The following LRPPRC variants were observed in gnomAD, a reference collection of about 807,000 sequenced individuals.
The protein encoded by LRPPRC is leucine-rich PPR motif-containing protein, mitochondrial.
In LRPPRC, 120 loss-of-function variants were observed where a neutral mutation model predicts 180.3. That is an observed-to-expected ratio of 0.67 (90% CI 0.57 to 0.77). The LOEUF is 0.77. Among genes scored for constraint, LRPPRC ranks in the 30% least tolerant of loss-of-function variants. The pLI, the probability that LRPPRC is intolerant of heterozygous loss-of-function variation, is 0.00. For missense variants in LRPPRC, 2,012 were observed against 1,657.2 expected (o/e 1.21, Z -3.72); for synonymous variants, 723 against 600.0 (o/e 1.21, Z -3.00).
rs375831894 is a variant in LRPPRC, at chr2:43,976,244, C to T, written c.651-15G>A. The T allele has an allele frequency of 1.9e-4, 271 of 1,391,050 alleles. 3 individuals are homozygous for T. Among genetic ancestry groups the T allele is most frequent in the South Asian group, 1.5e-3 (129 of 86,590 alleles). The allele number at this position is 1,391,050 out of a possible 1,614,324, so 86.2% of individuals were successfully genotyped here. A position where few individuals can be genotyped will look rare whatever the true frequency, so the allele number is the denominator to read the frequency against. ...CAAGAATCTTGCTGCAAAGGAAAAACGAAGATACTCATTGAAAGTATTTAT... is the reference window on the plus strand; with the variant it reads ...CAAGAATCTTGCTGCAAAGGAAAAATGAAGATACTCATTGAAAGTATTTAT... On this transcript the variant is annotated splice_polypyrimidine_tract_variant and intron_variant, in intron 5 of 37. Coordinates refer to ENST00000260665, the MANE Select transcript of LRPPRC (RefSeq NM_133259.4).
At position 43,995,822 on chromosome 2, in the gene LRPPRC, G is replaced by C; in HGVS notation, c.126C>G (p.Ala42=). The C allele has an allele frequency of 7.1e-7, 1 of 1,413,398 alleles. No homozygotes were observed. Among genetic ancestry groups the C allele is most frequent in the Admixed American group, 3.3e-5 (1 of 30,050 alleles). The allele number at this position is 1,413,398 out of a possible 1,614,324, so 87.6% of individuals were successfully genotyped here. The part of the protein sequence containing the change: ...GRLHAASYLP[A]ARAGPVAGGL... ...ACCCGGCCACGGGCCCGGCGCGAGC[G>C]GCGGGCAGATAGGAGGCGGCATGCA... The change falls in exon 1 of 38, where the codon GCC becomes GCG. Residue 42 remains alanine, a synonymous_variant. Coordinates refer to ENST00000260665, the MANE Select transcript of LRPPRC (RefSeq NM_133259.4).
At position 43,886,594 on chromosome 2, in the gene LRPPRC, C is replaced by A. The variant is rs1282109699; in HGVS notation, c.*2006G>T. The A allele has an allele frequency of 6.6e-6, 1 of 152,192 alleles. No homozygotes were observed. The highest frequency in any genetic ancestry group is 1.5e-5 in the Non-Finnish European group (1 of 68,044). The allele number at this position is 152,192 out of a possible 1,614,324, so 9.4% of individuals were successfully genotyped here. ...AGAGGGCTAGATAAGGGGGTCTTAC[C>A]TATTTCCTCTGTACCACACTCACAT... On this transcript the variant is annotated 3_prime_UTR_variant, in exon 38 of 38. Coordinates refer to ENST00000260665, the MANE Select transcript of LRPPRC (RefSeq NM_133259.4).
intron 12 of LRPPRC, 35 bp from the exon 13 acceptor site, chr2:43,960,669 T>A (rs773904577): frequency 3.1e-6 from 3 of 959,458 alleles, no homozygotes; most frequent in Admixed American, 3.4e-5. Context: ...AGAATACATC[T>A]CAGCTAACAA....
At chr2:43,918,465 G>C (rs1671559734) in intron 27 of LRPPRC, 67 bp from the exon 28 acceptor site, 2 of 1,179,778 alleles carry the variant, frequency 1.7e-6, no homozygotes, top group Middle Eastern at 1.9e-4. Flanking sequence ...AAAATATTTA[G>C]AACTTTTTCT....
At chr2:43,889,213 G>A (rs1459405906) in intron 37 of LRPPRC, among the ~76,000 whole-genome samples, 1 of 149,310 alleles carries the variant, frequency 6.7e-6, no homozygotes, top group Non-Finnish European at 1.5e-5. Context: ...TACTTGGGAG[G>A]CTGAGGCAGG....
intron 14 of LRPPRC, among the ~76,000 whole-genome samples, chr2:43,955,729 C>T (rs1346584873): frequency 6.6e-6 from 1 of 151,854 alleles, no homozygotes; most frequent in Non-Finnish European, 1.5e-5. Context: ...CAGAGCGAGA[C>T]CCTATCTCAA....
intron 36 of LRPPRC, chr2:43,890,407 G>GATAC (rs746119663): frequency 4.3e-6 from 2 of 464,100 alleles, no homozygotes; most frequent in Middle Eastern, 9.3e-4. Flanking sequence ...TAGCTACAAT[G>GATAC]ATACACACAC....
chr2:43,980,835 C>T (rs11124954), intron 2 of LRPPRC, among the ~76,000 whole-genome samples: 22 of 152,080 alleles, frequency 1.4e-4, no homozygotes, highest in Admixed American at 5.9e-4. Context: ...TTGTTGCCTA[C>T]GGCTGGAAGG....
rs1262463391 is a variant in LRPPRC, at chr2:43,963,629, G to A, written c.1447C>T (p.Pro483Ser). Residue 483 changes from proline (P) to serine (S), a missense_variant, in exon 12 of 38, where the codon CCA (proline) becomes TCA (serine). Coordinates refer to ENST00000260665, the MANE Select transcript of LRPPRC (RefSeq NM_133259.4). Reference protein sequence around the residue: ...DQETYTDYVIPCFDSVNSARA... With the variant: ...DQETYTDYVISCFDSVNSARA... The stretch of plus-strand genomic sequence containing the variant: ...GCTGAGTTTACACTATCAAAGCATG[G>A]AATCACATAATCTGTATATGTTTCC... 10 of 1,612,320 alleles carry A rather than the reference G, an allele frequency of 6.2e-6. No homozygotes were observed. Among genetic ancestry groups the A allele is most frequent in the Non-Finnish European group, 8.5e-6 (10 of 1,178,630 alleles).
intron 12 of LRPPRC, among the ~76,000 whole-genome samples, chr2:43,961,742 C>T (rs1185937811): frequency 6.6e-6 from 1 of 152,194 alleles, no homozygotes; most frequent in African/African-American, 2.4e-5. Context: ...AGGCTGATCA[C>T]CTAAGATTAG....
Position 43,925,088 on chromosome 2 carries a change from A to G in LRPPRC, c.2875T>C (p.Tyr959His). Reference sequence around the variant, plus strand: ...TTACTATACAGTTTTAGCAGATTGTAGTACATCTGGTCTCTATCACATTCA... The same window carrying G: ...TTACTATACAGTTTTAGCAGATTGTGGTACATCTGGTCTCTATCACATTCA... The part of the protein sequence containing the change: ...LFECDRDQMY[Y>H]NLLKLYKING... Residue 959 changes from tyrosine to histidine, a missense_variant, in exon 27 of 38, where the codon TAC becomes CAC. By Grantham distance (83) the Tyr-to-His change is moderately conservative. Coordinates refer to ENST00000260665, the MANE Select transcript of LRPPRC (RefSeq NM_133259.4). 2 of 1,576,842 alleles carry G rather than the reference A, an allele frequency of 1.3e-6. No homozygotes were observed. The highest frequency in any genetic ancestry group is 1.7e-6 in the Non-Finnish European group (2 of 1,146,088).
At chr2:43,911,520 C>CTTTTTTTTTTTTTTTTTTTTTTTTT (rs755010502) in intron 30 of LRPPRC, among the ~76,000 whole-genome samples, 3 of 113,486 alleles carry the variant, frequency 2.6e-5, no homozygotes, top group African/African-American at 3.6e-5. Flanking sequence ...TCTTCTTCTT[C>CTTTTTTTTTTTTTTTTTTTTTTTTT]TTCTTTTTTT....
At chr2:43,908,866 C>G (rs1161336838) in intron 30 of LRPPRC, among the ~76,000 whole-genome samples, 1 of 152,114 alleles carries the variant, frequency 6.6e-6, no homozygotes, top group Non-Finnish European at 1.5e-5. Context: ...GACCAAGTGA[C>G]CTTATATAGG....
chr2:43,899,565 G>C lies in LRPPRC; in HGVS notation c.3610C>G (p.Leu1204Val). The change falls in exon 33 of 38, where the codon CTT (leucine) becomes GTT (valine). Residue 1204 changes from leucine (L) to valine (V), a missense_variant. Coordinates refer to ENST00000260665, the MANE Select transcript of LRPPRC (RefSeq NM_133259.4). ...TCAATGACTTTATTCTCTGAAGTAAGCATATTTTCAATGTTTTCTATTGCG... is the reference window on the plus strand; with the variant it reads ...TCAATGACTTTATTCTCTGAAGTAACCATATTTTCAATGTTTTCTATTGCG... ...DAAIENIENM[L>V]TSENKVIEPQ... 3 of 1,609,498 alleles carry C rather than the reference G, an allele frequency of 1.9e-6. No individual in the cohort carries two copies. The highest frequency in any genetic ancestry group is 2.6e-6 in the Non-Finnish European group (3 of 1,175,896).
intron 11 of LRPPRC, 90 bp downstream of exon 11, chr2:43,973,516 AT>A (rs1673909608): frequency 1.2e-6 from 1 of 823,014 alleles, no homozygotes; most frequent in Non-Finnish European, 2.2e-6. Context: ...AGGAATAAGT[AT>A]GCTTTTCCAA....
intron 23 of LRPPRC, among the ~76,000 whole-genome samples, chr2:43,941,528 A>C (rs980085478): frequency 1.3e-4 from 20 of 152,192 alleles, no homozygotes; most frequent in Admixed American, 1.3e-3. Flanking sequence ...CATTTAATCA[A>C]ATCGAATACA....
At position 43,888,608 on chromosome 2, in the gene LRPPRC, A is replaced by C. The variant is rs139493671; in HGVS notation, c.4177T>G (p.Ser1393Ala). The C allele has an allele frequency of 6.0e-5, 95 of 1,589,314 alleles. No individual in the cohort carries two copies. Among genetic ancestry groups the C allele is most frequent in the Non-Finnish European group, 4.8e-5 (56 of 1,157,748 alleles). ...AQQLRKLREN[S>A]S is the part of the protein sequence containing the mutation. Reference sequence around the variant, plus strand: ...AGTATCGCCTGGTTATTTCAAGAAGAGTTTTCCCTCAATTTTCTTAGCTGC... The same window carrying C: ...AGTATCGCCTGGTTATTTCAAGAAGCGTTTTCCCTCAATTTTCTTAGCTGC... Residue 1393 changes from serine (S) to alanine (A), a missense_variant, in exon 38 of 38, where the codon TCT (serine) becomes GCT (alanine). Physicochemically the swap from Ser to Ala is moderately conservative, Grantham distance 99 (BLOSUM62 1). Transcript: ENST00000260665.
At chr2:43,926,089 CTATA>C (rs1671868430) in intron 25 of LRPPRC, 128 bp from the exon 26 acceptor site, 3 of 638,372 alleles carry the variant, frequency 4.7e-6, no homozygotes, top group Non-Finnish European at 8.5e-6. Context: ...ATATACTAAA[CTATA>C]TATACTAGTA....
At chr2:43,889,586 G>T in intron 37 of LRPPRC, 148 bp downstream of exon 37, 1 of 736,950 alleles carries the variant, frequency 1.4e-6, no homozygotes, top group Non-Finnish European at 2.5e-6. Context: ...AAGGCATGCT[G>T]CTCAGTCCCT....
Sources: gnomAD v4.1 joint callset for allele counts (sites outside exome capture counted in the v4.1 genomes callset) on GRCh38, gnomAD v4.1.1 for gene constraint, MANE v1.5 for transcripts, NCBI Gene and HGNC (gene_info 2026-07-23, HGNC 2026-07-21) for gene names.